The following FRMD4B variants were observed in gnomAD, a reference collection of about 807,000 sequenced individuals.
FRMD4B encodes FERM domain-containing protein 4B.
A neutral mutation model predicts 141.5 loss-of-function variants in FRMD4B; 74 were observed. The observed-to-expected ratio is 0.52, with a 90% CI of 0.43 to 0.63. The LOEUF (loss-of-function observed/expected upper bound fraction) is 0.63. FRMD4B is among the 30% of genes least tolerant of loss of function. The pLI, the probability that FRMD4B is intolerant of heterozygous loss-of-function variation, is 0.00. For synonymous variants in FRMD4B, 506 were observed against 467.9 expected, an observed-to-expected ratio of 1.08 and a Z score of -1.05; for missense variants, 1,366 against 1,253.4, an observed-to-expected ratio of 1.09 and a Z score of -1.36.
chr3:69,500,744 G>T (rs1186114686), intron 1 of FRMD4B, among the ~76,000 whole-genome samples: 2 of 151,406 alleles, frequency 1.3e-5, no homozygotes, highest in East Asian at 3.9e-4. Flanking sequence ...GACTGCCACA[G>T]AAGTTGCCCA....
chr3:69,382,539 G>A (rs565523166), intron 1 of FRMD4B, among the ~76,000 whole-genome samples: 3 of 152,040 alleles, frequency 2.0e-5, no homozygotes, highest in Non-Finnish European at 4.4e-5. Context: ...ATGTATATTC[G>A]TGCTTTATAA....
chr3:69,377,819 T>C (rs1172630813), intron 1 of FRMD4B, among the ~76,000 whole-genome samples: 1 of 151,026 alleles, frequency 6.6e-6, no homozygotes, highest in Non-Finnish European at 1.5e-5. Flanking sequence ...TCTTCTTCTT[T>C]TTTTTTTTTG....
intron 1 of FRMD4B, among the ~76,000 whole-genome samples, chr3:69,532,160 T>C (rs1032832088): frequency 1.3e-5 from 2 of 152,188 alleles, no homozygotes; most frequent in Non-Finnish European, 2.9e-5. Context: ...ATAAATGCAG[T>C]TAGTTCATTC....
chr3:69,476,326 T>C, intron 1 of FRMD4B, among the ~76,000 whole-genome samples: 1 of 152,120 alleles, frequency 6.6e-6, no homozygotes. Context: ...CTAGGGTTTT[T>C]ATGGTTTTAG....
chr3:69,431,497 G>A (rs1301279683), intron 2 of FRMD4B, among the ~76,000 whole-genome samples: 1 of 152,142 alleles, frequency 6.6e-6, no homozygotes, highest in Non-Finnish European at 1.5e-5. Flanking sequence ...TTCCATCCCT[G>A]AAGTACACTT....
intron 1 of FRMD4B, among the ~76,000 whole-genome samples, chr3:69,454,538 G>A (rs570665116): frequency 1.3e-5 from 2 of 152,278 alleles, no homozygotes; most frequent in African/African-American, 2.4e-5. Context: ...CCAGCAGCTG[G>A]CCGGCGCCAC....
chr3:69,331,449 G>A (rs1005528784), intron 1 of FRMD4B, among the ~76,000 whole-genome samples: 1 of 152,170 alleles, frequency 6.6e-6, no homozygotes, highest in East Asian at 1.9e-4. Flanking sequence ...TATCCTCTCT[G>A]AGTAGCTGCT....
chr3:69,324,815 G>A (rs78817291), intron 1 of FRMD4B, among the ~76,000 whole-genome samples: 2 of 152,106 alleles, frequency 1.3e-5, no homozygotes, highest in African/African-American at 2.4e-5. Flanking sequence ...GGAGAAGGCC[G>A]GATGTGGTGG....
At chr3:69,447,339 C>A (rs1014215141) in intron 1 of FRMD4B, among the ~76,000 whole-genome samples, 10 of 152,106 alleles carry the variant, frequency 6.6e-5, no homozygotes, top group Non-Finnish European at 1.5e-4. Context: ...TAACCAGAAC[C>A]TTGATTTGGA....
In FRMD4B at chr3:69,201,450, AT is replaced by A. The variant is rs1404455800; in HGVS notation, c.877-2677del. Among the ~76,000 whole-genome samples, 5 of 152,282 alleles carry A rather than the reference AT, an allele frequency of 3.3e-5. No homozygotes were observed. The East Asian group carries it at 9.6e-4, about 29-fold the overall frequency. ...CTCAAAATTAAAGTAATAAAAGTTT[AT>A]ATATATAAAATGAATATAGGTTGGT... is the stretch of plus-strand genomic sequence containing the variant. On this transcript the variant is annotated intron_variant, in intron 11 of 22. Transcript: ENST00000398540.
Position 69,168,850 on chromosome 3 carries a change from G to A in FRMD4B, c.*3011C>T, listed in dbSNP as rs1470627821. Among the ~76,000 whole-genome samples the A allele has an allele frequency of 6.6e-6, 1 of 152,004 alleles. No individual in the cohort carries two copies. The highest frequency in any genetic ancestry group is 1.5e-5 in the Non-Finnish European group (1 of 67,998). On this transcript the variant is annotated 3_prime_UTR_variant, in exon 23 of 23. Transcript: ENST00000398540. ...TTTTGTGAGTACAAGGAAGAATTTTGAAAATTTTTGTCAAATATAGAAAAA... is the reference window on the plus strand; with the variant it reads ...TTTTGTGAGTACAAGGAAGAATTTTAAAAATTTTTGTCAAATATAGAAAAA...
At chr3:69,508,628 G>T (rs1265595525) in intron 1 of FRMD4B, among the ~76,000 whole-genome samples, 1 of 152,140 alleles carries the variant, frequency 6.6e-6, no homozygotes, top group Non-Finnish European at 1.5e-5. Context: ...AAGCTTGGAG[G>T]AATATTCTAC....
chr3:69,503,295 T>A lies in FRMD4B; in HGVS notation c.-129+38911A>T, dbSNP rs556626826. ...GACTTGGAACCAACTCAAATGTCCA[T>A]CAATGATAGACTGGATTAAGAAAAT... is the stretch of plus-strand genomic sequence containing the variant. On this transcript the variant is annotated intron_variant, in intron 1 of 5. Coordinates refer to the FRMD4B transcript ENST00000459638. Among the ~76,000 whole-genome samples, 385 of 152,192 alleles carry A rather than the reference T, an allele frequency of 2.5e-3. 2 individuals are homozygous for A. The highest frequency in any genetic ancestry group is 8.7e-3 in the African/African-American group (362 of 41,514).
chr3:69,220,595 T>C (rs2093184437), intron 9 of FRMD4B, among the ~76,000 whole-genome samples: 1 of 152,202 alleles, frequency 6.6e-6, no homozygotes, highest in Non-Finnish European at 1.5e-5. Context: ...CCCATGTCTA[T>C]AATCCCAGCA....
chr3:69,253,483 GA>G (rs1427764310), intron 5 of FRMD4B, among the ~76,000 whole-genome samples: 3 of 152,068 alleles, frequency 2.0e-5, no homozygotes, highest in Non-Finnish European at 4.4e-5. Context: ...AGTAGAGTGG[GA>G]AAATATTTCT....
rs772917599 is a variant in FRMD4B at position 69,240,341 on chromosome 3, C to T, written c.581+8885G>A. ...CTAAAAATACAAAAAATTAGTCGGGCGTGGTGGCATGTGCCTGTAGTCCCA... is the reference window on the plus strand; with the variant it reads ...CTAAAAATACAAAAAATTAGTCGGGTGTGGTGGCATGTGCCTGTAGTCCCA... On this transcript the variant is annotated intron_variant, in intron 7 of 22. Coordinates refer to ENST00000398540, the MANE Select transcript of FRMD4B (RefSeq NM_015123.3). Among the ~76,000 whole-genome samples the T allele has an allele frequency of 7.3e-5, 11 of 150,002 alleles. No homozygotes were observed. In the South Asian group the frequency reaches 1.1e-3, roughly 14 times the overall value.
At chr3:69,340,863 C>G (rs549697608) in intron 1 of FRMD4B, among the ~76,000 whole-genome samples, 4 of 152,194 alleles carry the variant, frequency 2.6e-5, no homozygotes, top group African/African-American at 7.2e-5. Context: ...CTTTGTCTTG[C>G]TAACCACTCT....
chr3:69,318,618 A>G (rs1701883830), intron 1 of FRMD4B, among the ~76,000 whole-genome samples: 1 of 152,214 alleles, frequency 6.6e-6, no homozygotes, highest in East Asian at 1.9e-4. Context: ...CTCTGCTGAT[A>G]GGTCAGGGGG....
intron 21 of FRMD4B, among the ~76,000 whole-genome samples, chr3:69,177,601 GT>G (rs2092661088): frequency 6.6e-6 from 1 of 152,186 alleles, no homozygotes; most frequent in African/African-American, 2.4e-5. Context: ...AGTGAGCCAT[GT>G]TTGCACCACT....
Sources: allele counts gnomAD v4.1 joint callset (sites outside exome capture counted in the v4.1 genomes callset), GRCh38; gene constraint gnomAD v4.1.1; transcripts MANE v1.5; gene names NCBI Gene and HGNC (gene_info 2026-07-23, HGNC 2026-07-21).